The following ZSCAN25 variants were observed in gnomAD, a reference collection of about 807,000 sequenced individuals.
ZSCAN25 encodes the protein zinc finger and SCAN domain containing 25.
Under a neutral mutation model 38.7 loss-of-function variants are expected in ZSCAN25, and 27 were observed. The observed-to-expected ratio is 0.70, with a 90% confidence interval of 0.51 to 0.96. The LOEUF (loss-of-function observed/expected upper bound fraction) is 0.96, where lower values mean the gene tolerates loss of function less well. ZSCAN25 is among the 40% of genes least tolerant of loss of function. ZSCAN25 has a pLI of 0.00. For missense variants in ZSCAN25, 637 were observed against 705.9 expected, an observed-to-expected ratio of 0.90 and a Z score of 1.11; for synonymous variants, 273 against 277.7, an observed-to-expected ratio of 0.98 and a Z score of 0.17.
chr7:99,655,720 G>A, the ZSCAN25 span, among the ~76,000 whole-genome samples: 1 of 152,198 alleles, frequency 6.6e-6, no homozygotes, highest in Non-Finnish European at 1.5e-5. Context: ...AGCATGGAAT[G>A]TTGTTCCATT....
chr7:99,677,308 A>G, the ZSCAN25 span: 1 of 952,540 alleles, frequency 1.0e-6, no homozygotes, highest in Non-Finnish European at 1.3e-6. Context: ...TGCTAGCCCC[A>G]CACAGTTGGC....
chr7:99,705,596 C>T, the ZSCAN25 span: 2 of 1,613,182 alleles, frequency 1.2e-6, no homozygotes, highest in South Asian at 2.2e-5. Context: ...TCAGGGGGAT[C>T]TGCAACAGTT....
chr7:99,624,306 C>T lies in ZSCAN25; in HGVS notation c.805+126C>T, dbSNP rs111376781. 3.8e-4 allele frequency: 447 copies of T among 1,179,130 alleles called. 1 individual carries two copies. The African/African-American group carries it at 6.0e-3, about 16-fold the overall frequency. The allele number at this position is 1,179,130 out of a possible 1,614,324, so 73.0% of individuals were successfully genotyped here. ...TTCATGGCAGGCGGGTAAATGGGTC[C>T]AGCACGGACCATGGGGCACGAGGAG... On this transcript the variant is annotated intron_variant, in intron 7 of 7. Transcript: ENST00000394152.
the ZSCAN25 span, among the ~76,000 whole-genome samples, chr7:99,645,780 A>G: frequency 6.6e-6 from 1 of 151,578 alleles, no homozygotes; most frequent in African/African-American, 2.4e-5. Context: ...GTTCATGTCC[A>G]TTGCCCATTT....
chr7:99,690,364 A>G, the ZSCAN25 span, among the ~76,000 whole-genome samples: 1 of 152,358 alleles, frequency 6.6e-6, no homozygotes, highest in Admixed American at 6.5e-5. Flanking sequence ...CCTAGGCAAT[A>G]CCATTCAGTA....
downstream of ZSCAN25, among the ~76,000 whole-genome samples, chr7:99,634,803 A>G (rs1808204361): frequency 6.6e-6 from 1 of 152,044 alleles, no homozygotes; most frequent in Admixed American, 6.6e-5. Context: ...TCTCAAAAAC[A>G]AAACAAAACA....
chr7:99,682,792 A>G, the ZSCAN25 span, among the ~76,000 whole-genome samples: 1 of 152,072 alleles, frequency 6.6e-6, no homozygotes, highest in Non-Finnish European at 1.5e-5. Context: ...GTCTTCTTCA[A>G]TTTCCTTCAT....
chr7:99,687,305 A>C, the ZSCAN25 span, among the ~76,000 whole-genome samples: 1 of 152,224 alleles, frequency 6.6e-6, no homozygotes, highest in East Asian at 1.9e-4. Flanking sequence ...AACTAGAATA[A>C]CCAATACAGA....
the ZSCAN25 span, chr7:99,676,619 G>T: frequency 1.6e-6 from 2 of 1,234,268 alleles, no homozygotes; most frequent in Non-Finnish European, 2.2e-6. Flanking sequence ...TTGCACTGAT[G>T]ATGAGATTTT....
At chr7:99,722,191 A>T in the ZSCAN25 span, 1 of 1,424,990 alleles carries the variant, frequency 7.0e-7, no homozygotes, top group Non-Finnish European at 9.8e-7. Flanking sequence ...TTAGGCTGGC[A>T]AGAGCTTCAT....
the ZSCAN25 span, among the ~76,000 whole-genome samples, chr7:99,680,763 G>T: frequency 6.6e-6 from 1 of 152,168 alleles, no homozygotes; most frequent in Non-Finnish European, 1.5e-5. Context: ...GTCTTGTTCT[G>T]CAAAGGAAAA....
the ZSCAN25 span, chr7:99,731,117 A>G: frequency 6.2e-7 from 1 of 1,613,946 alleles, no homozygotes; most frequent in Non-Finnish European, 8.5e-7. Context: ...TGGAATTCCA[A>G]GCTTCTTAAA....
chr7:99,735,274 C>T, the ZSCAN25 span: 8 of 760,050 alleles, frequency 1.1e-5, no homozygotes, highest in South Asian at 1.6e-5. Flanking sequence ...GCAGGGCCCC[C>T]GTGCTCTGCC....
the ZSCAN25 span, among the ~76,000 whole-genome samples, chr7:99,643,807 G>A: frequency 1.3e-5 from 2 of 151,508 alleles, no homozygotes; most frequent in Admixed American, 1.3e-4. Context: ...TTGAAGACCT[G>A]TGGGTTCAGG....
the ZSCAN25 span, among the ~76,000 whole-genome samples, chr7:99,670,674 A>T: frequency 6.6e-6 from 1 of 152,190 alleles, no homozygotes; most frequent in Non-Finnish European, 1.5e-5. Flanking sequence ...CCCAATGACA[A>T]ATATCCCTTG....
chr7:99,631,645 ATAAG>A lies in ZSCAN25; in HGVS notation c.*1626_*1629del. The A allele has an allele frequency of 1.0e-6, 1 of 985,302 alleles. No homozygotes were observed. The highest frequency in any genetic ancestry group is 1.2e-6 in the Non-Finnish European group (1 of 829,906). The allele number at this position is 985,302 out of a possible 1,614,324, so 61.0% of individuals were successfully genotyped here. On this transcript the variant is annotated 3_prime_UTR_variant, in exon 8 of 8. Transcript: ENST00000394152. ...TTTTTTTTTTCATTTTCCATTGTAA[ATAAG>A]GTAAATGGTAATGACTAACACAAAG...
chr7:99,714,365 A>G, the ZSCAN25 span, among the ~76,000 whole-genome samples: 1 of 152,172 alleles, frequency 6.6e-6, no homozygotes, highest in African/African-American at 2.4e-5. Flanking sequence ...TCTCTGACTC[A>G]TTCTCATATC....
the ZSCAN25 span, chr7:99,672,957 A>G: frequency 2.6e-6 from 3 of 1,160,062 alleles, no homozygotes; most frequent in Non-Finnish European, 3.2e-6. Context: ...ATGGTTAGAA[A>G]TGACAGTAGA....
At chr7:99,648,510 C>T in the ZSCAN25 span, 8 of 718,112 alleles carry the variant, frequency 1.1e-5, no homozygotes, top group African/African-American at 3.6e-5. Flanking sequence ...CATATAAAAA[C>T]GACTCTTAAC....
Sources: allele counts gnomAD v4.1 joint callset (sites outside exome capture counted in the v4.1 genomes callset), GRCh38; gene constraint gnomAD v4.1.1; transcripts MANE v1.5; gene names NCBI Gene and HGNC (gene_info 2026-07-23, HGNC 2026-07-21).